UVRAG: variants seen among roughly 807,000 people sequenced by gnomAD.
The protein encoded by UVRAG is UV radiation resistance-associated gene protein.
Under a neutral mutation model 78.0 loss-of-function variants are expected in UVRAG, and 19 were observed. The observed-to-expected ratio is 0.24, with a 90% CI of 0.17 to 0.36. The LOEUF is 0.36. UVRAG is among the 10% of genes least tolerant of loss of function. UVRAG has a pLI of 1.00. For missense variants in UVRAG, 740 were observed against 853.8 expected (o/e 0.87, Z 1.66); for synonymous variants, 323 against 324.6 (o/e 1.00, Z 0.05).
chr11:76,080,407 A>G (rs1420531722), intron 13 of UVRAG, among the ~76,000 whole-genome samples: 1 of 152,196 alleles, frequency 6.6e-6, no homozygotes, highest in East Asian at 1.9e-4. Flanking sequence ...TTGTATACCA[A>G]AACTGTGTTA....
chr11:76,024,206 A>G (rs1482457407), intron 12 of UVRAG, among the ~76,000 whole-genome samples: 2 of 152,306 alleles, frequency 1.3e-5, no homozygotes, highest in South Asian at 2.1e-4. Flanking sequence ...TTGAGATGGT[A>G]AATATTCTTG....
intron 9 of UVRAG, 81 bp downstream of exon 9, chr11:76,004,170 C>T: frequency 7.2e-7 from 1 of 1,389,460 alleles, no homozygotes; most frequent in South Asian, 1.2e-5. Context: ...TTCTTTAAAG[C>T]TGCTGGTATT....
chr11:76,098,413 T>C (rs1011764342), intron 13 of UVRAG, among the ~76,000 whole-genome samples: 2 of 152,198 alleles, frequency 1.3e-5, no homozygotes, highest in African/African-American at 4.8e-5. Context: ...CCCAAGGTCA[T>C]ACAGAGAGTA....
intron 5 of UVRAG, among the ~76,000 whole-genome samples, chr11:75,910,683 T>A (rs768128754): frequency 5.9e-5 from 9 of 151,944 alleles, no homozygotes; most frequent in Non-Finnish European, 8.8e-5. Context: ...AAAGAGTAAT[T>A]CATGTAGAGC....
intron 13 of UVRAG, among the ~76,000 whole-genome samples, chr11:76,091,565 C>T (rs1279814765): frequency 6.6e-6 from 1 of 152,004 alleles, no homozygotes; most frequent in Non-Finnish European, 1.5e-5. Context: ...TGTTTTCTAT[C>T]TCTTTGTCTT....
In UVRAG at chr11:76,143,518, C is replaced by A. The variant is rs1377409650; in HGVS notation, c.*2105C>A. ...GGGGAGCCCTGCTCTTGAATGTCAT[C>A]GGGCTGCTCAGAGCTGATTGCTAGG... On this transcript the variant is annotated 3_prime_UTR_variant, in exon 15 of 15. Transcript: ENST00000356136. 6.6e-6 allele frequency among the ~76,000 whole-genome samples: 1 copy of A among 152,262 alleles called. No homozygotes were observed. The highest frequency in any genetic ancestry group is 1.5e-5 in the Non-Finnish European group (1 of 68,054).
rs534363440 is a variant in UVRAG, at chr11:75,841,912, GCA to G, written c.118-9970_118-9969del. Among the ~76,000 whole-genome samples the G allele has an allele frequency of 5.3e-5, 8 of 152,282 alleles. No individual in the cohort carries two copies. The East Asian group carries it at 1.2e-3, about 22-fold the overall frequency. On this transcript the variant is annotated intron_variant, in intron 1 of 14. Coordinates refer to ENST00000356136, the MANE Select transcript of UVRAG (RefSeq NM_003369.4). ...CATCATTAATTTTGCTCAGAAATCTGCAGTTTGGTCTGAGCTTGGTGGGAACA... is the reference window on the plus strand; with the variant it reads ...CATCATTAATTTTGCTCAGAAATCTGGTTTGGTCTGAGCTTGGTGGGAACA...
Position 76,008,809 on chromosome 11 carries a change from T to C in UVRAG, c.1002T>C (p.Asn334=). 6.9e-7 allele frequency: 1 copy of C among 1,450,872 alleles called. No individual in the cohort carries two copies. Among genetic ancestry groups the C allele is most frequent in the Non-Finnish European group, 9.3e-7 (1 of 1,075,850 alleles). 89.9% of individuals were successfully genotyped at this position (1,450,872 alleles called of 1,614,324 possible). The change falls in exon 11 of 15, where the codon AAT becomes AAC. Residue 334 remains asparagine (N), a splice_region_variant and synonymous_variant. Transcript: ENST00000356136. ...ELSYIYPIDL[N]EHKDYFVCGV... is the part of the protein sequence containing the mutation. The stretch of plus-strand genomic sequence containing the variant: ...TTATTCTTTAATTAAATTCACAGAA[T>C]GAACATAAGGATTACTTTGTATGCG...
chr11:75,978,444 A>G (rs1331440411), intron 7 of UVRAG, among the ~76,000 whole-genome samples: 1 of 152,196 alleles, frequency 6.6e-6, no homozygotes, highest in Non-Finnish European at 1.5e-5. Flanking sequence ...GTTCTCCTGG[A>G]TAATATCCTG....
intron 7 of UVRAG, among the ~76,000 whole-genome samples, chr11:75,963,597 C>T (rs569401239): frequency 2.1e-4 from 32 of 152,266 alleles, no homozygotes; most frequent in African/African-American, 6.0e-4. Flanking sequence ...TTTTAACCTA[C>T]GTAAAAATGC....
intron 14 of UVRAG, chr11:76,137,403 G>T (rs1409525646): frequency 2.2e-6 from 1 of 456,212 alleles, no homozygotes. Context: ...CATATCAGTG[G>T]CCCAGAGGCA....
chr11:76,059,756 T>G (rs1384660459), intron 12 of UVRAG, among the ~76,000 whole-genome samples: 1 of 152,196 alleles, frequency 6.6e-6, no homozygotes, highest in Non-Finnish European at 1.5e-5. Context: ...TAAAGTTGAA[T>G]GCCACTCTAA....
chr11:76,136,736 AGTCCTCCCACCTT>A lies in UVRAG; in HGVS notation c.1398-3973_1398-3961del, dbSNP rs564875322. Reference sequence around the variant, plus strand: ...TGGTCCCAAACTCCTGGGTTCAAGCAGTCCTCCCACCTTGGCCTCCCAAAGTGCTGGGATCACA... The same window carrying A: ...TGGTCCCAAACTCCTGGGTTCAAGCAGGCCTCCCAAAGTGCTGGGATCACA... On this transcript the variant is annotated intron_variant, in intron 14 of 14. Coordinates refer to ENST00000356136, the MANE Select transcript of UVRAG (RefSeq NM_003369.4). 1.1e-3 allele frequency among the ~76,000 whole-genome samples: 167 copies of A among 152,176 alleles called. 2 individuals carry two copies. The highest frequency in any genetic ancestry group is 3.7e-3 in the African/African-American group (153 of 41,548).
intron 14 of UVRAG, among the ~76,000 whole-genome samples, chr11:76,132,923 A>C (rs573615044): frequency 1.3e-4 from 20 of 152,230 alleles, no homozygotes; most frequent in Non-Finnish European, 1.2e-4. Flanking sequence ...AGAGAAGGAA[A>C]TTAACAATTA....
intron 3 of UVRAG, among the ~76,000 whole-genome samples, chr11:75,870,875 ATT>A (rs796351174): frequency 6.8e-6 from 1 of 147,526 alleles, no homozygotes. Flanking sequence ...GCTTTATTTT[ATT>A]TTTTTTTTTG....
intron 1 of UVRAG, among the ~76,000 whole-genome samples, chr11:75,831,126 C>G (rs1016841396): frequency 6.6e-6 from 1 of 152,200 alleles, no homozygotes; most frequent in Admixed American, 6.5e-5. Flanking sequence ...TTGCTACTGT[C>G]ATTGCTATTC....
chr11:75,988,302 A>G lies in UVRAG; in HGVS notation c.826+4789A>G, dbSNP rs539948215. Among the ~76,000 whole-genome samples the G allele has an allele frequency of 3.9e-5, 6 of 152,286 alleles. No homozygotes were observed. In the South Asian group the frequency reaches 8.3e-4, roughly 21 times the overall value. ...TTCCTCCATCGTTTGACCACTAGCA[A>G]TTACTGATGTGCTTTCTGATACCAT... On this transcript the variant is annotated intron_variant, in intron 8 of 14. Transcript: ENST00000356136.
intron 7 of UVRAG, among the ~76,000 whole-genome samples, chr11:75,966,582 G>A (rs1591071913): frequency 6.6e-6 from 1 of 152,206 alleles, no homozygotes; most frequent in Non-Finnish European, 1.5e-5. Flanking sequence ...TCTAACATCT[G>A]GATCATCTTG....
chr11:76,041,947 CAG>C (rs908892953), intron 12 of UVRAG, among the ~76,000 whole-genome samples: 2 of 152,122 alleles, frequency 1.3e-5, no homozygotes, highest in African/African-American at 4.8e-5. Context: ...AATTGTGTCA[CAG>C]AGAGTTCAAG....
Sources: gnomAD v4.1 joint callset for allele counts (sites outside exome capture counted in the v4.1 genomes callset) on GRCh38, gnomAD v4.1.1 for gene constraint, MANE v1.5 for transcripts, NCBI Gene and HGNC (gene_info 2026-07-23, HGNC 2026-07-21) for gene names.